Variants in PI16 observed in about 807,000 individuals in gnomAD.
The protein encoded by PI16 is PSP94-binding protein.
PI16 carries 35 observed loss-of-function variants against 38.0 expected under a neutral mutation model. The ratio of observed to expected loss-of-function variants is 0.92; its 90% CI spans 0.70 to 1.22. The LOEUF is 1.22. Ranked by LOEUF, PI16 falls within the 50% of genes most tolerant of loss-of-function variation. The probability of loss-of-function intolerance (pLI) is 0.00; values close to 1 mark genes in which losing one functional copy is unlikely to be tolerated. For synonymous variants in PI16, 275 were observed against 252.9 expected (o/e 1.09, Z -0.83); for missense variants, 572 against 593.8 (o/e 0.96, Z 0.38).
rs1236266797 is a variant in PI16, at chr6:36,963,268, A to G, written c.926A>G (p.Lys309Arg). 2 of 1,614,006 alleles carry G rather than the reference A, an allele frequency of 1.2e-6. No homozygotes were observed. Among genetic ancestry groups the G allele is most frequent in the Admixed American group, 1.7e-5 (1 of 60,008 alleles). The change falls in exon 5 of 7, where the codon AAA becomes AGA. Residue 309 changes from lysine to arginine, a missense_variant. Transcript: ENST00000373674. ...GATGAGGAGCCAGTTACCTTCCCCA[A>G]ATCGACCCATGTTCCTATCCCAAAA... ...SLDEEPVTFP[K>R]STHVPIPKSA...
At position 36,963,637 on chromosome 6, in the gene PI16, C is replaced by A. The variant is rs1376232093; in HGVS notation, c.1270+25C>A. The A allele has an allele frequency of 3.1e-6, 5 of 1,603,852 alleles. No individual in the cohort carries two copies. The East Asian group carries it at 8.9e-5, about 29-fold the overall frequency. On this transcript the variant is annotated intron_variant, in intron 5 of 6. Transcript: ENST00000373674. ...GGTAAGGCCCATAGCATCTGTCCCA[C>A]TTTCCTCCTGGCTCTGGAATGTCAG...
chr6:36,962,263 C>G lies in PI16; in HGVS notation c.592+289C>G, dbSNP rs531141014. The stretch of plus-strand genomic sequence containing the variant: ...TGGGTGTCGCCACACTTTAGGGTCT[C>G]GAGGAGCGGGCTGGGGCCAGACCGG... On this transcript the variant is annotated intron_variant, in intron 4 of 6. Coordinates refer to ENST00000373674, the MANE Select transcript of PI16 (RefSeq NM_153370.3). The surrounding 1 kb of genome is among the most constrained non-coding windows in gnomAD (Gnocchi z 4.1). Among the ~76,000 whole-genome samples, 1 of 152,094 alleles carries G rather than the reference C, an allele frequency of 6.6e-6. No homozygotes were observed. The highest frequency in any genetic ancestry group is 1.5e-5 in the Non-Finnish European group (1 of 68,000).
Position 36,964,549 on chromosome 6 carries a change from G to T in PI16, c.*182G>T. ...CAAGGCCTGGCTGGCTGCGAGCTCA[G>T]GAGGCCGCCTGAGGACTGCACACCG... On this transcript the variant is annotated 3_prime_UTR_variant, in exon 7 of 7. Transcript: ENST00000373674. 6.5e-6 allele frequency: 1 copy of T among 152,902 alleles called. No homozygotes were observed. Among genetic ancestry groups the T allele is most frequent in the Non-Finnish European group, 1.5e-5 (1 of 68,258 alleles). 9.5% of individuals were successfully genotyped at this position (152,902 alleles called of 1,614,324 possible).
At position 36,963,493 on chromosome 6, in the gene PI16, AG is replaced by A; in HGVS notation, c.1153del (p.Ala385ProfsTer53). On this transcript the variant is annotated frameshift_variant, in exon 5 of 7. Transcript: ENST00000373674. LOFTEE classifies it high-confidence loss of function. The stretch of plus-strand genomic sequence containing the variant: ...GCCCAGGACAAGCCAGGTGAGCTGC[AG>A]GCCACACTGGACCACACGGGGCACA... ...FPAQDKPGEL[Q>X]ATLDHTGHTS... 1.2e-6 allele frequency: 2 copies of A among 1,614,164 alleles called. No homozygotes were observed. The highest frequency in any genetic ancestry group is 1.7e-6 in the Non-Finnish European group (2 of 1,180,030).
upstream of PI16, among the ~76,000 whole-genome samples, chr6:36,952,490 C>A (rs983740676): frequency 6.6e-6 from 1 of 152,112 alleles, no homozygotes; most frequent in African/African-American, 2.4e-5. Flanking sequence ...AATATACTTA[C>A]GGTAAAGATT....
rs778725481 is a variant in PI16, at chr6:36,961,906, G to T, written c.524G>T (p.Arg175Leu). ...YEPPGNVKGK[R>L]PYQEGTPCSQ... ...TGTAGGGGGAACGTGAAGGGGAAAC[G>T]GCCCTACCAGGAGGGGACTCCGTGC... Residue 175 changes from arginine (R) to leucine (L), a missense_variant, in exon 4 of 7, where the codon CGG becomes CTG. Arg to Leu is a moderately radical substitution (Grantham distance 102). Transcript: ENST00000373674. 1 of 1,614,088 alleles carries T rather than the reference G, an allele frequency of 6.2e-7. No individual in the cohort carries two copies. The highest frequency in any genetic ancestry group is 1.1e-5 in the South Asian group (1 of 91,056).
Position 36,959,327 on chromosome 6 carries a change from C to A in PI16, c.354C>A (p.Ala118=), listed in dbSNP as rs1212014919. The change falls in exon 2 of 7, where the codon GCC becomes GCA. Residue 118 remains alanine, a synonymous_variant. Transcript: ENST00000373674. The part of the protein sequence containing the change: ...HEREHYNLSA[A]TCSPGQMCGH... ...GTGAGCACTACAACCTCAGCGCCGCCACCTGCAGCCCAGGCCAGATGTGCG... is the reference window on the plus strand; with the variant it reads ...GTGAGCACTACAACCTCAGCGCCGCAACCTGCAGCCCAGGCCAGATGTGCG... 2 of 1,571,994 alleles carry A rather than the reference C, an allele frequency of 1.3e-6. No homozygotes were observed. Among genetic ancestry groups the A allele is most frequent in the East Asian group, 2.4e-5 (1 of 42,538 alleles).
intron 1 of PI16, among the ~76,000 whole-genome samples, chr6:36,955,753 A>G (rs1763188810): frequency 1.3e-5 from 2 of 152,368 alleles, no homozygotes; most frequent in African/African-American, 4.8e-5. Context: ...TTACATGTAC[A>G]TGCACACAGG....
upstream of PI16, among the ~76,000 whole-genome samples, chr6:36,953,090 C>T (rs1763125855): frequency 1.3e-5 from 2 of 152,080 alleles, no homozygotes; most frequent in Non-Finnish European, 2.9e-5. Context: ...GAGACCGAGG[C>T]GGGCGGATCA....
At chr6:36,954,734 C>A (rs200171043), upstream of PI16, 3 of 1,595,886 alleles carry the variant, frequency 1.9e-6, no homozygotes, top group Admixed American at 1.7e-5. Context: ...GACCCCTGGA[C>A]GGGAGAAGGA....
At chr6:36,964,103 C>A (rs1185790089) in intron 6 of PI16, 141 bp downstream of exon 6, 10 of 1,066,784 alleles carry the variant, frequency 9.4e-6, no homozygotes, top group Non-Finnish European at 1.3e-5. Flanking sequence ...AGATTCCAGG[C>A]CAGCACTCTT....
Position 36,963,258 on chromosome 6 carries a change from A to G in PI16, c.916A>G (p.Thr306Ala). Residue 306 changes from threonine (T) to alanine (A), a missense_variant, in exon 5 of 7, where the codon ACC becomes GCC. Transcript: ENST00000373674. Reference protein sequence around the residue: ...SLPSLDEEPVTFPKSTHVPIP... With the variant: ...SLPSLDEEPVAFPKSTHVPIP... ...GCCCTCCTTGGATGAGGAGCCAGTTACCTTCCCCAAATCGACCCATGTTCC... is the reference window on the plus strand; with the variant it reads ...GCCCTCCTTGGATGAGGAGCCAGTTGCCTTCCCCAAATCGACCCATGTTCC... The G allele has an allele frequency of 6.2e-7, 1 of 1,614,200 alleles. No individual in the cohort carries two copies. Among genetic ancestry groups the G allele is most frequent in the Non-Finnish European group, 8.5e-7 (1 of 1,180,034 alleles).
chr6:36,963,669 GC>G, intron 5 of PI16, 57 bp downstream of exon 5: 1 of 1,581,282 alleles, frequency 6.3e-7, no homozygotes, highest in Admixed American at 1.7e-5. Context: ...TCAGTATCCT[GC>G]CCCAGCATAG....
chr6:36,964,713 G>T lies in PI16; in HGVS notation c.*346G>T. The T allele has an allele frequency of 6.6e-6, 1 of 152,342 alleles. No homozygotes were observed. 9.4% of individuals were successfully genotyped at this position (152,342 alleles called of 1,614,324 possible). On this transcript the variant is annotated 3_prime_UTR_variant, in exon 7 of 7. Transcript: ENST00000373674. ...TGAGTGCCTGTGTAGCTGGGGATGG[G>T]GATTCCTAGGGGCAGATGAAGGACA...
chr6:36,963,442 G>T lies in PI16; in HGVS notation c.1100G>T (p.Ser367Ile). The T allele has an allele frequency of 6.2e-7, 1 of 1,614,210 alleles. No individual in the cohort carries two copies. Residue 367 changes from serine (S) to isoleucine (I), a missense_variant, in exon 5 of 7, where the codon AGT (serine) becomes ATT (isoleucine). Transcript: ENST00000373674. ...GCTGAGGCTGAGTTGCCTCCTTCCA[G>T]TGAGGTCTTGGCCTCAGTTTTTCCA... ...AEAEAELPPSSEVLASVFPAQ... is the reference protein window; with the variant it reads ...AEAEAELPPSIEVLASVFPAQ...
exon 1 of PI16, chr6:36,948,309 C>T (rs891048511): frequency 5.9e-5 from 9 of 152,310 alleles, no homozygotes; most frequent in African/African-American, 1.9e-4. Flanking sequence ...GAGATGACCA[C>T]ACCAGGGCAA....
In PI16 at chr6:36,963,171, G is replaced by A; in HGVS notation, c.829G>A (p.Ala277Thr). Residue 277 changes from alanine (A) to threonine (T), a missense_variant, in exon 5 of 7, where the codon GCA (alanine) becomes ACA (threonine). Transcript: ENST00000373674. ...SLATKDPPSM[A>T]TEAPPCVTTE... ...AGCAACGAAAGACCCGCCCTCCATG[G>A]CAACAGAGGCTCCACCTTGCGTAAC... 1 of 1,614,196 alleles carries A rather than the reference G, an allele frequency of 6.2e-7. No individual in the cohort carries two copies. Among genetic ancestry groups the A allele is most frequent in the Non-Finnish European group, 8.5e-7 (1 of 1,180,044 alleles).
At position 36,963,814 on chromosome 6, in the gene PI16, T is replaced by C; in HGVS notation, c.1271-9T>C. 1 of 1,574,800 alleles carries C rather than the reference T, an allele frequency of 6.4e-7. No individual in the cohort carries two copies. The highest frequency in any genetic ancestry group is 8.6e-7 in the Non-Finnish European group (1 of 1,163,658). ...TCTAGGCTGAGGCAAAGCCTCTTTC[T>C]TCCCACAGGTGCAGAGGGCCCTGAC... On this transcript the variant is annotated splice_polypyrimidine_tract_variant and intron_variant, in intron 5 of 6. Transcript: ENST00000373674.
At chr6:36,950,790 G>T (rs182067326), upstream of PI16, among the ~76,000 whole-genome samples, 15 of 152,156 alleles carry the variant, frequency 9.9e-5, no homozygotes, top group African/African-American at 3.6e-4. The surrounding 1 kb of genome is among the most constrained non-coding windows in gnomAD (Gnocchi z 4.2). Context: ...TGATCCGCCC[G>T]CCTCGGCCTC....
Sources: allele counts gnomAD v4.1 joint callset (sites outside exome capture counted in the v4.1 genomes callset), GRCh38; gene constraint gnomAD v4.1.1; non-coding constraint Gnocchi (gnomAD v3.1); transcripts MANE v1.5; gene names NCBI Gene and HGNC (gene_info 2026-07-23, HGNC 2026-07-21).